LPP: variants seen among roughly 807,000 people sequenced by gnomAD.
LPP encodes the protein LIM domain containing preferred translocation partner in lipoma.
A neutral mutation model predicts 60.4 loss-of-function variants in LPP; 38 were observed. That is an observed-to-expected ratio of 0.63 (90% CI 0.49 to 0.83). The LOEUF (loss-of-function observed/expected upper bound fraction) is 0.83. LPP is among the 40% of genes least tolerant of loss of function. The probability of loss-of-function intolerance (pLI) is 0.00; values close to 1 mark genes in which losing one functional copy is unlikely to be tolerated. For missense variants in LPP, 902 were observed against 783.6 expected, an observed-to-expected ratio of 1.15 and a Z score of -1.80; for synonymous variants, 328 against 290.8, an observed-to-expected ratio of 1.13 and a Z score of -1.30.
rs896804641 is a variant in LPP, at chr3:188,352,405, A to G, written c.-10+10686A>G. On this transcript the variant is annotated intron_variant, in intron 3 of 11. Coordinates refer to ENST00000617246, the MANE Select transcript of LPP (RefSeq NM_001375462.1). This position sits in a 1 kb window ranked among gnomAD's most constrained non-coding sequence, Gnocchi z 4.4. ...GTTTAGATCAGCTATTTTCTGAAGG[A>G]GTCGCTGACCTTCCCCACAATAGAA... Among the ~76,000 whole-genome samples the G allele has an allele frequency of 6.6e-6, 1 of 152,116 alleles. No homozygotes were observed. Among genetic ancestry groups the G allele is most frequent in the Non-Finnish European group, 1.5e-5 (1 of 68,032 alleles).
At chr3:188,187,772 A>C (rs990574478) in intron 1 of LPP, among the ~76,000 whole-genome samples, 1 of 152,040 alleles carries the variant, frequency 6.6e-6, no homozygotes, top group Admixed American at 6.5e-5. Context: ...CCAGGCTTTC[A>C]TGGAGGCATT....
chr3:188,803,528 A>T (rs755272150), intron 9 of LPP, among the ~76,000 whole-genome samples: 2 of 152,180 alleles, frequency 1.3e-5, no homozygotes, highest in Non-Finnish European at 2.9e-5. Flanking sequence ...TTTTCCCCCC[A>T]TAGGGATGTC....
intron 9 of LPP, among the ~76,000 whole-genome samples, chr3:188,859,876 C>T (rs548507389): frequency 6.6e-6 from 1 of 152,186 alleles, no homozygotes; most frequent in South Asian, 2.1e-4. Flanking sequence ...TGTTTCAAAA[C>T]GTTTCCTATC....
chr3:188,672,106 C>T (rs889186350), intron 7 of LPP, among the ~76,000 whole-genome samples: 1 of 152,184 alleles, frequency 6.6e-6, no homozygotes, highest in Non-Finnish European at 1.5e-5. Flanking sequence ...TCAAACTGAA[C>T]AAGTCTGAAC....
intron 3 of LPP, among the ~76,000 whole-genome samples, chr3:188,373,568 T>C (rs1351536642): frequency 6.6e-6 from 1 of 152,110 alleles, no homozygotes; most frequent in Admixed American, 6.5e-5. Flanking sequence ...GTTTTTTTCT[T>C]GTAAATTTGT....
At chr3:188,228,350 A>G (rs1384830387) in intron 2 of LPP, among the ~76,000 whole-genome samples, 7 of 152,168 alleles carry the variant, frequency 4.6e-5, no homozygotes, top group African/African-American at 1.2e-4. Context: ...ATGAATTTTC[A>G]TGGATAGAAT....
chr3:188,732,578 C>CGTG (rs1560128643), intron 8 of LPP, among the ~76,000 whole-genome samples: 1 of 151,872 alleles, frequency 6.6e-6, no homozygotes, highest in East Asian at 1.9e-4. Context: ...ATTAGCTGGG[C>CGTG]GTGGTGGTGG....
At chr3:188,247,133 G>A (rs1727248338) in intron 2 of LPP, 1 of 982,168 alleles carries the variant, frequency 1.0e-6, no homozygotes, top group African/African-American at 1.7e-5. Context: ...GGGGTAATGA[G>A]CTCTTTTCGG....
chr3:188,582,205 G>T (rs1836395717), intron 6 of LPP, among the ~76,000 whole-genome samples: 2 of 142,066 alleles, frequency 1.4e-5, no homozygotes, highest in African/African-American at 5.3e-5. Context: ...CTGTCACCCA[G>T]GCTGGAGTGC....
At chr3:188,606,583 C>T (rs1464537718) in intron 6 of LPP, among the ~76,000 whole-genome samples, 1 of 151,952 alleles carries the variant, frequency 6.6e-6, no homozygotes, top group Non-Finnish European at 1.5e-5. Flanking sequence ...GGGGCTTTAC[C>T]TTTCTGCTTG....
intron 2 of LPP, among the ~76,000 whole-genome samples, chr3:188,253,478 C>T (rs1290088968): frequency 3.3e-5 from 5 of 152,072 alleles, no homozygotes; most frequent in Non-Finnish European, 7.3e-5. Flanking sequence ...GTCTCAACAC[C>T]ATTTAGTATG....
chr3:188,696,220 G>A (rs1209435082), intron 7 of LPP, among the ~76,000 whole-genome samples: 2 of 125,948 alleles, frequency 1.6e-5, no homozygotes, highest in Non-Finnish European at 3.9e-5. Flanking sequence ...TAAGCACACA[G>A]TACTCTCTCT....
chr3:188,387,305 G>A (rs181436790), intron 3 of LPP, among the ~76,000 whole-genome samples: 1 of 152,046 alleles, frequency 6.6e-6, no homozygotes, highest in Non-Finnish European at 1.5e-5. Context: ...TTCCTTTCAA[G>A]TCTTTAGCTA....
At chr3:188,809,376 C>T (rs1326271374) in intron 9 of LPP, among the ~76,000 whole-genome samples, 7 of 152,128 alleles carry the variant, frequency 4.6e-5, no homozygotes, top group Admixed American at 4.6e-4. Flanking sequence ...AATCGCCATT[C>T]TGACTGTCAT....
chr3:188,261,928 C>G (rs2149692987), intron 2 of LPP, among the ~76,000 whole-genome samples: 1 of 152,240 alleles, frequency 6.6e-6, no homozygotes, highest in African/African-American at 2.4e-5. Flanking sequence ...AAAACAAAGA[C>G]AAAAGCACCA....
intron 3 of LPP, among the ~76,000 whole-genome samples, chr3:188,373,907 A>C (rs1346081012): frequency 6.6e-6 from 1 of 151,918 alleles, no homozygotes; most frequent in Non-Finnish European, 1.5e-5. Flanking sequence ...AAGGGATCCA[A>C]TTTCAGCTTT....
intron 6 of LPP, among the ~76,000 whole-genome samples, chr3:188,600,272 CTATATAA>C (rs1840864436): frequency 6.8e-6 from 1 of 148,058 alleles, no homozygotes; most frequent in Admixed American, 6.8e-5. Context: ...TATACTATGC[CTATATAA>C]TATATATTTC....
rs141449610 is a variant in LPP, at chr3:188,314,967, G to A, written c.-66-26696G>A. On this transcript the variant is annotated intron_variant, in intron 2 of 11. Transcript: ENST00000617246. The stretch of plus-strand genomic sequence containing the variant: ...TATTGCCTTTTTTGGAGTGAAGAAC[G>A]GAGTGAAGAAAGTTATTTCTTTAAA... 6.1e-4 allele frequency among the ~76,000 whole-genome samples: 93 copies of A among 152,006 alleles called. 1 individual carries two copies. The highest frequency in any genetic ancestry group is 2.1e-3 in the African/African-American group (88 of 41,428).
chr3:188,602,189 T>C (rs1443787230), intron 6 of LPP, among the ~76,000 whole-genome samples: 1 of 95,662 alleles, frequency 1.0e-5, no homozygotes, highest in South Asian at 3.0e-4. Context: ...TATATATATA[T>C]GACATTCTTA....
Sources: gnomAD v4.1 joint callset for allele counts (sites outside exome capture counted in the v4.1 genomes callset) on GRCh38, gnomAD v4.1.1 for gene constraint, Gnocchi (gnomAD v3.1) non-coding constraint, MANE v1.5 for transcripts, NCBI Gene and HGNC (gene_info 2026-07-23, HGNC 2026-07-21) for gene names.